The following ARHGEF3 variants were observed in gnomAD, a reference collection of about 807,000 sequenced individuals.
ARHGEF3 encodes 59.8 kDA protein.
A neutral mutation model predicts 63.2 loss-of-function variants in ARHGEF3; 28 were observed. The ratio of observed to expected loss-of-function variants is 0.44; its 90% CI spans 0.33 to 0.61. ARHGEF3 has a LOEUF of 0.61. Among genes scored for constraint, ARHGEF3 ranks in the 20% least tolerant of loss-of-function variants. ARHGEF3 has a pLI of 0.03. For missense variants in ARHGEF3, 533 were observed against 659.3 expected, an observed-to-expected ratio of 0.81 and a Z score of 2.10; for synonymous variants, 266 against 254.2, an observed-to-expected ratio of 1.05 and a Z score of -0.44.
At chr3:56,821,896 G>A (rs1473899414) in intron 4 of ARHGEF3, among the ~76,000 whole-genome samples, 1 of 151,870 alleles carries the variant, frequency 6.6e-6, no homozygotes, top group Non-Finnish European at 1.5e-5. Flanking sequence ...CCGGGGAGGT[G>A]GAGGTTGCAG....
At chr3:56,735,512 G>C (rs567629683) in intron 8 of ARHGEF3, among the ~76,000 whole-genome samples, 10 of 152,044 alleles carry the variant, frequency 6.6e-5, no homozygotes, top group African/African-American at 2.4e-4. Context: ...ATAAAAACTA[G>C]AGTTTATCTT....
intron 2 of ARHGEF3, among the ~76,000 whole-genome samples, chr3:56,998,856 C>T (rs1282445479): frequency 6.6e-6 from 1 of 152,174 alleles, no homozygotes; most frequent in Non-Finnish European, 1.5e-5. Flanking sequence ...TGAAGCAGAT[C>T]CCATGTCCAC....
At chr3:56,997,365 T>C (rs6793083) in intron 2 of ARHGEF3, among the ~76,000 whole-genome samples, 2,441 of 152,240 alleles carry the variant, frequency 0.016, 74 homozygotes, top group African/African-American at 0.056. Context: ...TTCTGCCCAG[T>C]CCATGGCCTG....
chr3:56,939,673 T>C (rs1163705260), intron 3 of ARHGEF3: 4 of 152,068 alleles, frequency 2.6e-5, no homozygotes, highest in East Asian at 3.9e-4. Flanking sequence ...CCAGAAGAGA[T>C]TGTCCAGGTT....
intron 2 of ARHGEF3, among the ~76,000 whole-genome samples, chr3:56,990,011 T>C (rs745725247): frequency 6.6e-6 from 1 of 152,216 alleles, no homozygotes; most frequent in Non-Finnish European, 1.5e-5. Flanking sequence ...GCAAGAATTA[T>C]TTAAAACAAT....
At position 56,967,365 on chromosome 3, in the gene ARHGEF3, T is replaced by TAATATAA. The variant is rs1351624074; in HGVS notation, c.63-8477_63-8476insTTATATT. 1.5e-4 allele frequency among the ~76,000 whole-genome samples: 15 copies of TAATATAA among 102,650 alleles called. 1 individual carries two copies. The highest frequency in any genetic ancestry group is 6.2e-4 in the African/African-American group (15 of 24,174). 67.3% of individuals were successfully genotyped at this position (102,650 alleles called of 152,430 possible). On this transcript the variant is annotated intron_variant, in intron 2 of 12. Coordinates refer to the ARHGEF3 transcript ENST00000338458. ...ATATCATATATTATATAATATTATA[T>TAATATAA]TATATATTATATATTATACATATTA...
intron 4 of ARHGEF3, among the ~76,000 whole-genome samples, chr3:56,838,825 G>A (rs1037142319): frequency 2.6e-5 from 4 of 152,078 alleles, no homozygotes; most frequent in African/African-American, 7.2e-5. Context: ...TTTAAGAAAG[G>A]CAAACGATAA....
At position 56,922,076 on chromosome 3, in the gene ARHGEF3, C is replaced by CA. The variant is rs375472581; in HGVS notation, c.129+36746dup. Among the ~76,000 whole-genome samples, 112 of 139,198 alleles carry CA rather than the reference C, an allele frequency of 8.0e-4. 1 individual carries two copies. The highest frequency in any genetic ancestry group is 1.2e-3 in the Admixed American group (16 of 13,860). The allele number at this position is 139,198 out of a possible 152,430, so 91.3% of individuals were successfully genotyped here. On this transcript the variant is annotated intron_variant, in intron 3 of 12. Transcript: ENST00000338458. The stretch of plus-strand genomic sequence containing the variant: ...GGGCAGCTATTTTTAAAAGTGAATG[C>CA]AAAAAAAAAAAAGGAAAGCTGATGT...
chr3:57,040,622 T>A (rs1452836960), intron 1 of ARHGEF3, among the ~76,000 whole-genome samples: 2 of 152,076 alleles, frequency 1.3e-5, no homozygotes, highest in Non-Finnish European at 2.9e-5. Flanking sequence ...GTTCTGTTTC[T>A]TAATACAGGT....
intron 2 of ARHGEF3, among the ~76,000 whole-genome samples, chr3:56,986,280 C>T (rs1465446128): frequency 2.6e-5 from 4 of 152,212 alleles, no homozygotes; most frequent in African/African-American, 9.6e-5. Flanking sequence ...TGCCCTCAGA[C>T]TGAATTCTCA....
chr3:56,901,707 T>C lies in ARHGEF3; in HGVS notation c.130-19353A>G, dbSNP rs1047553773. Among the ~76,000 whole-genome samples the C allele has an allele frequency of 4.1e-4, 62 of 151,718 alleles. 1 individual carries two copies. Among genetic ancestry groups the C allele is most frequent in the African/African-American group, 1.5e-3 (60 of 41,298 alleles). Reference sequence around the variant, plus strand: ...CATGTGATCCTTCCTCCTCAGCCTCTCGAGTAGCTGGGACTATAGGCACAC... The same window carrying C: ...CATGTGATCCTTCCTCCTCAGCCTCCCGAGTAGCTGGGACTATAGGCACAC... On this transcript the variant is annotated intron_variant, in intron 3 of 12. Coordinates refer to the ARHGEF3 transcript ENST00000338458.
At chr3:56,992,890 G>A (rs990862461) in intron 2 of ARHGEF3, among the ~76,000 whole-genome samples, 1 of 152,140 alleles carries the variant, frequency 6.6e-6, no homozygotes, top group Admixed American at 6.5e-5. Flanking sequence ...CTGGAGTGCA[G>A]TGGCGCTATC....
chr3:56,966,925 G>A (rs1301535655), intron 2 of ARHGEF3, among the ~76,000 whole-genome samples: 6 of 150,268 alleles, frequency 4.0e-5, no homozygotes, highest in South Asian at 2.1e-4. Context: ...GTGCAATAGC[G>A]CAATCTCTGC....
chr3:56,857,683 G>C (rs191340946), intron 4 of ARHGEF3, among the ~76,000 whole-genome samples: 1 of 152,150 alleles, frequency 6.6e-6, no homozygotes, highest in African/African-American at 2.4e-5. Flanking sequence ...CCAAAGAAGC[G>C]GGGAGATGGG....
At chr3:57,016,180 C>T (rs994941522) in intron 2 of ARHGEF3, among the ~76,000 whole-genome samples, 2 of 152,130 alleles carry the variant, frequency 1.3e-5, no homozygotes, top group African/African-American at 4.8e-5. Flanking sequence ...GATACAGAGC[C>T]TCAGACATCA....
At chr3:56,955,154 A>G (rs1699986938) in intron 3 of ARHGEF3, among the ~76,000 whole-genome samples, 1 of 150,220 alleles carries the variant, frequency 6.7e-6, no homozygotes, top group African/African-American at 2.4e-5. Flanking sequence ...TGCCTAGGAC[A>G]TTGGTGAACA....
intron 7 of ARHGEF3, among the ~76,000 whole-genome samples, chr3:56,744,268 G>A (rs183205322): frequency 7.9e-5 from 12 of 152,166 alleles, no homozygotes; most frequent in African/African-American, 2.9e-4. Context: ...CAACCAGAAC[G>A]GTGCTCTCTG....
At chr3:57,072,482 C>T (rs1705965456) in intron 1 of ARHGEF3, among the ~76,000 whole-genome samples, 2 of 151,194 alleles carry the variant, frequency 1.3e-5, no homozygotes, top group Admixed American at 6.6e-5. Context: ...GGCTCATGTC[C>T]GTAATCCCAG....
chr3:56,862,791 T>C (rs149868164), intron 4 of ARHGEF3, among the ~76,000 whole-genome samples: 199 of 152,328 alleles, frequency 1.3e-3, no homozygotes, highest in African/African-American at 4.5e-3. Flanking sequence ...TCCCAACTTA[T>C]AGGACGCAAG....
Sources: gnomAD v4.1 joint callset for allele counts (sites outside exome capture counted in the v4.1 genomes callset) on GRCh38, gnomAD v4.1.1 for gene constraint, MANE v1.5 for transcripts, NCBI Gene and HGNC (gene_info 2026-07-23, HGNC 2026-07-21) for gene names.